OR2C1: variants seen among roughly 807,000 people sequenced by gnomAD.
OR2C1 encodes the protein olfactory receptor family 2 subfamily C member 1.
For missense variants in OR2C1, 468 were observed against 388.3 expected, an observed-to-expected ratio of 1.21 and a Z score of -1.73; for synonymous variants, 209 against 167.3, an observed-to-expected ratio of 1.25 and a Z score of -1.92.
chr16:3,353,489 CAAAAAA>C (rs58703245), upstream of OR2C1, among the ~76,000 whole-genome samples: 1 of 82,968 alleles, frequency 1.2e-5, no homozygotes, highest in South Asian at 4.8e-4. Context: ...GACTCCGTCT[CAAAAAA>C]AAAAAAAAAA....
chr16:3,327,914 C>A, the OR2C1 span, among the ~76,000 whole-genome samples: 1 of 152,012 alleles, frequency 6.6e-6, no homozygotes, highest in South Asian at 2.1e-4. Context: ...TATAGTTCAC[C>A]TCCCTCTTAG....
rs760236366 is a variant in OR2C1 at position 3,356,364 on chromosome 16, T to G, written c.424T>G (p.Trp142Gly). Reference protein sequence around the residue: ...YTAIMNPQLCWLLAVIACLGG... With the variant: ...YTAIMNPQLCGLLAVIACLGG... ...CGCCATCATGAACCCCCAGCTCTGC[T>G]GGCTGCTGGCTGTGATTGCCTGCCT... The change falls in exon 1 of 1, where the codon TGG (tryptophan) becomes GGG (glycine). Residue 142 changes from tryptophan (W) to glycine (G), a missense_variant. By Grantham distance (184) the Trp-to-Gly change is radical. Transcript: ENST00000304936. The G allele has an allele frequency of 6.2e-7, 1 of 1,613,644 alleles. No homozygotes were observed. The highest frequency in any genetic ancestry group is 8.5e-7 in the Non-Finnish European group (1 of 1,180,054).
chr16:3,334,956 T>G, the OR2C1 span, among the ~76,000 whole-genome samples: 2 of 152,024 alleles, frequency 1.3e-5, no homozygotes, highest in Admixed American at 1.3e-4. Flanking sequence ...GTAGCTGGGA[T>G]TATAGGTGTG....
chr16:3,338,737 C>T, the OR2C1 span, among the ~76,000 whole-genome samples: 4 of 151,856 alleles, frequency 2.6e-5, no homozygotes, highest in South Asian at 6.2e-4. Context: ...CGGGGTTTCA[C>T]GTGTTAGCCA....
the OR2C1 span, among the ~76,000 whole-genome samples, chr16:3,324,732 G>A: frequency 2.0e-5 from 3 of 151,924 alleles, no homozygotes; most frequent in Non-Finnish European, 1.5e-5. Context: ...GACTGCAGGT[G>A]CATGCCATCA....
rs2030678232 is a variant in OR2C1 at position 3,356,466 on chromosome 16, G to T, written c.526G>T (p.Gly176Ter). 1.2e-6 allele frequency: 2 copies of T among 1,613,980 alleles called. No individual in the cohort carries two copies. Among genetic ancestry groups the T allele is most frequent in the South Asian group, 2.2e-5 (2 of 91,084 alleles). The change falls in exon 1 of 1, where the codon GGA becomes TGA. Residue 176 changes from glycine (G) to a stop codon, truncating the protein, a stop_gained. Coordinates refer to ENST00000304936, the MANE Select transcript of OR2C1 (RefSeq NM_012368.3). LOFTEE classifies it low-confidence loss of function (END_TRUNC). ...ATTGTGTGGGCACCGGAGGGTGGAGGGATTCCTCTGCGAGGTGCCTGCCAT... is the reference window on the plus strand; with the variant it reads ...ATTGTGTGGGCACCGGAGGGTGGAGTGATTCCTCTGCGAGGTGCCTGCCAT... Reference protein sequence around the residue: ...LPLCGHRRVEGFLCEVPAMIK... With the variant: ...LPLCGHRRVE
At chr16:3,346,298 CT>C in the OR2C1 span, among the ~76,000 whole-genome samples, 1 of 152,048 alleles carries the variant, frequency 6.6e-6, no homozygotes, top group African/African-American at 2.4e-5. Context: ...GTAGGGGTTA[CT>C]GAGAAAATGA....
chr16:3,356,511 G>C lies in OR2C1; in HGVS notation c.571G>C (p.Asp191His). 1 of 1,614,106 alleles carries C rather than the reference G, an allele frequency of 6.2e-7. No homozygotes were observed. The highest frequency in any genetic ancestry group is 8.5e-7 in the Non-Finnish European group (1 of 1,180,038). The change falls in exon 1 of 1, where the codon GAC becomes CAC. Residue 191 changes from aspartate (D) to histidine (H), a missense_variant. Transcript: ENST00000304936. ...TGCCATGATCAAACTGGCCTGTGGCGACACAAGTCTCAACCAGGCTGTGCT... is the reference window on the plus strand; with the variant it reads ...TGCCATGATCAAACTGGCCTGTGGCCACACAAGTCTCAACCAGGCTGTGCT... ...VPAMIKLACGDTSLNQAVLNG... is the reference protein window; with the variant it reads ...VPAMIKLACGHTSLNQAVLNG...
upstream of OR2C1, among the ~76,000 whole-genome samples, chr16:3,355,495 T>G (rs1307036160): frequency 9.3e-6 from 1 of 108,006 alleles, no homozygotes; most frequent in Non-Finnish European, 1.9e-5. Flanking sequence ...AAAAAGTAAG[T>G]TGGAGTCCAG....
the OR2C1 span, among the ~76,000 whole-genome samples, chr16:3,325,412 C>T: frequency 6.7e-6 from 1 of 149,216 alleles, no homozygotes; most frequent in South Asian, 2.1e-4. Flanking sequence ...AGCCATCACA[C>T]CTGGCCTGTA....
Position 3,356,923 on chromosome 16 carries a change from C to T in OR2C1, c.*44C>T, listed in dbSNP as rs1177754732. 5.6e-6 allele frequency: 8 copies of T among 1,424,426 alleles called. No homozygotes were observed. Among genetic ancestry groups the T allele is most frequent in the African/African-American group, 2.9e-5 (2 of 69,872 alleles). 88.2% of individuals were successfully genotyped at this position (1,424,426 alleles called of 1,614,324 possible). The stretch of plus-strand genomic sequence containing the variant: ...TTTATTGCGTCTTCATCTCTACATG[C>T]GTTTCTCATTAACTCTCTCTGGCCA... On this transcript the variant is annotated 3_prime_UTR_variant, in exon 1 of 1. Coordinates refer to ENST00000304936, the MANE Select transcript of OR2C1 (RefSeq NM_012368.3).
chr16:3,332,418 C>G, the OR2C1 span, among the ~76,000 whole-genome samples: 33 of 152,096 alleles, frequency 2.2e-4, no homozygotes, highest in Admixed American at 1.8e-3. Context: ...TTATTGTTGA[C>G]TATAGTCACC....
chr16:3,345,485 C>A, the OR2C1 span, among the ~76,000 whole-genome samples: 72 of 142,196 alleles, frequency 5.1e-4, no homozygotes, highest in African/African-American at 1.4e-3. Flanking sequence ...GACTCTGTCT[C>A]AAAAAAAAAA....
At chr16:3,328,018 C>G in the OR2C1 span, among the ~76,000 whole-genome samples, 2 of 152,132 alleles carry the variant, frequency 1.3e-5, no homozygotes, top group African/African-American at 4.8e-5. Flanking sequence ...AATTTAATAT[C>G]CCTATTCTAC....
the OR2C1 span, chr16:3,323,632 G>A: frequency 3.8e-5 from 27 of 718,424 alleles, no homozygotes; most frequent in African/African-American, 2.6e-4. Context: ...GTAGACTCAC[G>A]CCAACAATCC....
the OR2C1 span, among the ~76,000 whole-genome samples, chr16:3,347,691 T>C: frequency 6.6e-6 from 1 of 152,266 alleles, no homozygotes; most frequent in Non-Finnish European, 1.5e-5. Flanking sequence ...CACTTAGCAA[T>C]ATGCCTAGGA....
chr16:3,333,210 C>CTTTTTTTTTTTTT, the OR2C1 span, among the ~76,000 whole-genome samples: 9 of 33,028 alleles, frequency 2.7e-4, 4 homozygotes, highest in African/African-American at 3.7e-4. Context: ...ATCTTTTGCC[C>CTTTTTTTTTTTTT]ATTTTTTTTT....
upstream of OR2C1, among the ~76,000 whole-genome samples, chr16:3,353,948 G>A: frequency 6.7e-6 from 1 of 149,312 alleles, no homozygotes. Context: ...CATGAGATGG[G>A]TTTTTTGTTT....
the OR2C1 span, among the ~76,000 whole-genome samples, chr16:3,341,756 G>C: frequency 6.6e-6 from 1 of 152,168 alleles, no homozygotes; most frequent in Non-Finnish European, 1.5e-5. Context: ...CCTGGCACAT[G>C]GATGTGTTCA....
Sources: allele counts gnomAD v4.1 joint callset (sites outside exome capture counted in the v4.1 genomes callset), GRCh38; gene constraint gnomAD v4.1.1; transcripts MANE v1.5; gene names NCBI Gene and HGNC (gene_info 2026-07-23, HGNC 2026-07-21).